CCDC178: variants seen among roughly 807,000 people sequenced by gnomAD.
The protein encoded by CCDC178 is coiled-coil domain containing 178.
CCDC178 carries 126 observed loss-of-function variants against 117.4 expected under a neutral mutation model. The ratio of observed to expected loss-of-function variants is 1.07; its 90% CI spans 0.93 to 1.24. The LOEUF is 1.24. CCDC178 is among the 50% of genes most tolerant of loss of function. CCDC178 has a pLI of 0.00. For synonymous variants in CCDC178, 283 were observed against 313.4 expected, an observed-to-expected ratio of 0.90 and a Z score of 1.02; for missense variants, 1,030 against 986.9, an observed-to-expected ratio of 1.04 and a Z score of -0.59.
chr18:33,060,545 A>AT (rs112905981), intron 21 of CCDC178, among the ~76,000 whole-genome samples: 17,061 of 148,838 alleles, frequency 0.11, 1,522 homozygotes, highest in African/African-American at 0.25. Flanking sequence ...TTAAAATTAC[A>AT]TTTTTTTTTT....
chr18:33,330,399 T>C (rs1454764844), intron 10 of CCDC178, among the ~76,000 whole-genome samples: 3 of 152,304 alleles, frequency 2.0e-5, no homozygotes, highest in East Asian at 1.9e-4. Context: ...ACAGAGTTTA[T>C]GGCTCACGCT....
intron 20 of CCDC178, among the ~76,000 whole-genome samples, chr18:33,159,087 T>C (rs896606994): frequency 3.9e-5 from 6 of 152,056 alleles, no homozygotes; most frequent in Non-Finnish European, 5.9e-5. Flanking sequence ...GATTCTGCAA[T>C]ACGGAATAAT....
At chr18:33,209,469 A>G (rs271543) in intron 20 of CCDC178, among the ~76,000 whole-genome samples, 24,415 of 151,956 alleles carry the variant, frequency 0.16, 2,740 homozygotes, top group African/African-American at 0.32. Flanking sequence ...GCCCAAAAGG[A>G]ACACCTCAGA....
At chr18:32,953,959 C>A (rs756799341) in intron 22 of CCDC178, 1 of 152,086 alleles carries the variant, frequency 6.6e-6, no homozygotes, top group Non-Finnish European at 1.5e-5. Context: ...CATACAATTT[C>A]TTGATTTTTT....
intron 12 of CCDC178, among the ~76,000 whole-genome samples, chr18:33,281,082 C>G (rs1307010964): frequency 8.1e-6 from 1 of 123,684 alleles, no homozygotes; most frequent in African/African-American, 3.2e-5. Flanking sequence ...TGCACATGTA[C>G]CTTAAAACTT....
At chr18:33,147,599 T>A (rs1297126635) in intron 20 of CCDC178, among the ~76,000 whole-genome samples, 1 of 151,830 alleles carries the variant, frequency 6.6e-6, no homozygotes, top group African/African-American at 2.4e-5. Context: ...TTCAAGCATC[T>A]GTTTAACAAA....
At chr18:33,071,500 T>C (rs2057107919) in intron 21 of CCDC178, among the ~76,000 whole-genome samples, 1 of 152,070 alleles carries the variant, frequency 6.6e-6, no homozygotes, top group African/African-American at 2.4e-5. Flanking sequence ...ATGGGTACTA[T>C]GAAATACCAA....
At chr18:33,341,332 C>T (rs146368772) in intron 9 of CCDC178, among the ~76,000 whole-genome samples, 3,475 of 152,244 alleles carry the variant, frequency 0.023, 135 homozygotes, top group African/African-American at 0.08. Context: ...ATTTTACAAG[C>T]TCATAGGCAG....
At chr18:33,407,416 G>A (rs918017422) in intron 3 of CCDC178, among the ~76,000 whole-genome samples, 1 of 152,094 alleles carries the variant, frequency 6.6e-6, no homozygotes, top group Admixed American at 6.6e-5. Context: ...AGAAGGAAGA[G>A]AAGGAAGGTA....
At chr18:33,404,019 C>A (rs928715458) in intron 3 of CCDC178, among the ~76,000 whole-genome samples, 3 of 152,038 alleles carry the variant, frequency 2.0e-5, no homozygotes. Context: ...ACCACTACCC[C>A]TCAAGGGAAA....
intron 3 of CCDC178, among the ~76,000 whole-genome samples, chr18:33,408,019 A>G (rs1390328087): frequency 6.6e-6 from 1 of 151,942 alleles, no homozygotes; most frequent in Non-Finnish European, 1.5e-5. Context: ...ATGATTATGA[A>G]ACAAAATCTA....
chr18:32,992,876 G>C (rs1388564579), intron 21 of CCDC178, among the ~76,000 whole-genome samples: 4 of 152,050 alleles, frequency 2.6e-5, no homozygotes, highest in Admixed American at 2.6e-4. Context: ...TAAACTCAAG[G>C]ATGTTGGGGC....
intron 2 of CCDC178, among the ~76,000 whole-genome samples, chr18:33,438,565 C>A (rs912356565): frequency 6.6e-6 from 1 of 151,350 alleles, no homozygotes; most frequent in Non-Finnish European, 1.5e-5. Context: ...CACACACACA[C>A]AATTTGTGTT....
At chr18:33,394,943 G>GTGTA (rs1222110972) in intron 4 of CCDC178, among the ~76,000 whole-genome samples, 130 of 61,504 alleles carry the variant, frequency 2.1e-3, no homozygotes, top group Middle Eastern at 0.015. Flanking sequence ...ATATGTATGT[G>GTGTA]TATATATATA....
At chr18:33,135,536 AAT>A (rs764352850) in intron 20 of CCDC178, among the ~76,000 whole-genome samples, 5 of 152,194 alleles carry the variant, frequency 3.3e-5, no homozygotes, top group Non-Finnish European at 7.3e-5. Flanking sequence ...ATTACATAGA[AAT>A]ATATACAGTT....
intron 15 of CCDC178, among the ~76,000 whole-genome samples, 191 bp downstream of exon 15, chr18:33,245,054 G>A (rs935062501): frequency 6.6e-6 from 1 of 151,936 alleles, no homozygotes; most frequent in African/African-American, 2.4e-5. Context: ...TAGCTACATT[G>A]AGCCCTCATC....
At chr18:33,437,173 T>C (rs112293279) in intron 2 of CCDC178, among the ~76,000 whole-genome samples, 357 of 152,300 alleles carry the variant, frequency 2.3e-3, no homozygotes, top group African/African-American at 8.0e-3. Flanking sequence ...GCAAGTGTAA[T>C]TTTTAGACTC....
chr18:33,285,975 A>AT (rs60956262), intron 12 of CCDC178, among the ~76,000 whole-genome samples: 4,348 of 138,000 alleles, frequency 0.032, 230 homozygotes, highest in East Asian at 0.12. Flanking sequence ...AGCAATGTGT[A>AT]TTTTTTTTTT....
intron 20 of CCDC178, among the ~76,000 whole-genome samples, chr18:33,183,435 G>C (rs2058753876): frequency 6.6e-6 from 1 of 151,980 alleles, no homozygotes; most frequent in Admixed American, 6.6e-5. Context: ...AAGTAGCTCT[G>C]GCTGGTGGTA....
Sources: allele counts gnomAD v4.1 joint callset (sites outside exome capture counted in the v4.1 genomes callset), GRCh38; gene constraint gnomAD v4.1.1; transcripts MANE v1.5; gene names NCBI Gene and HGNC (gene_info 2026-07-23, HGNC 2026-07-21).